The following KIF6 variants were observed in gnomAD, a reference collection of about 807,000 sequenced individuals.
KIF6 encodes the protein kinesin family member 6, also known as kinesin-like protein KIF6.
KIF6 carries 106 observed loss-of-function variants against 112.7 expected under a neutral mutation model. The observed-to-expected ratio is 0.94, with a 90% CI of 0.80 to 1.11. The LOEUF (loss-of-function observed/expected upper bound fraction) is 1.11. Ranked by LOEUF, KIF6 falls within the 50% of genes least tolerant of loss-of-function variation. The pLI, the probability that KIF6 is intolerant of heterozygous loss-of-function variation, is 0.00. For missense variants in KIF6, 929 were observed against 964.0 expected (o/e 0.96, Z 0.48); for synonymous variants, 339 against 339.9 (o/e 1.00, Z 0.03).
chr6:39,658,393 C>T (rs1785926343), intron 3 of KIF6, among the ~76,000 whole-genome samples: 1 of 151,980 alleles, frequency 6.6e-6, no homozygotes, highest in Non-Finnish European at 1.5e-5. Context: ...AAAATAAAAA[C>T]AAAAGTATAG....
chr6:39,504,666 T>C (rs1461500999), intron 13 of KIF6, among the ~76,000 whole-genome samples: 2 of 152,136 alleles, frequency 1.3e-5, no homozygotes, highest in East Asian at 3.8e-4. Flanking sequence ...GGATAGAAAA[T>C]CAATGTCCAA....
intron 3 of KIF6, among the ~76,000 whole-genome samples, chr6:39,707,077 C>G (rs1403221720): frequency 6.6e-6 from 1 of 152,172 alleles, no homozygotes; most frequent in Non-Finnish European, 1.5e-5. Context: ...TTTTCAAAAC[C>G]AGGAAATTGA....
intron 13 of KIF6, among the ~76,000 whole-genome samples, chr6:39,510,218 C>A (rs533713768): frequency 3.8e-4 from 57 of 151,826 alleles, no homozygotes; most frequent in African/African-American, 1.4e-3. Context: ...TTCAGCCTCC[C>A]GAGTACTGGG....
At chr6:39,516,714 T>C (rs1368240030) in intron 13 of KIF6, among the ~76,000 whole-genome samples, 1 of 152,204 alleles carries the variant, frequency 6.6e-6, no homozygotes, top group Admixed American at 6.5e-5. Flanking sequence ...TCATTCTTGC[T>C]AAGCTTTATG....
chr6:39,587,668 C>T (rs1307414850), intron 7 of KIF6, among the ~76,000 whole-genome samples: 1 of 152,104 alleles, frequency 6.6e-6, no homozygotes, highest in Non-Finnish European at 1.5e-5. Flanking sequence ...AGATTCGGAA[C>T]CCTGACCAGG....
intron 13 of KIF6, among the ~76,000 whole-genome samples, chr6:39,464,310 C>G (rs746971078): frequency 6.6e-6 from 1 of 152,094 alleles, no homozygotes; most frequent in Admixed American, 6.6e-5. Flanking sequence ...TCAGCCTAAA[C>G]GAAAACATAT....
intron 3 of KIF6, chr6:39,691,967 C>G (rs1408423430): frequency 6.6e-6 from 1 of 152,124 alleles, no homozygotes; most frequent in African/African-American, 2.4e-5. Context: ...AAAACAAAAA[C>G]AAACCAAAAG....
chr6:39,564,878 A>G (rs767406910), intron 10 of KIF6, among the ~76,000 whole-genome samples: 16 of 152,218 alleles, frequency 1.1e-4, no homozygotes, highest in Non-Finnish European at 2.1e-4. Context: ...TCACAGACCA[A>G]TGAATAACAC....
At chr6:39,536,268 A>C (rs561926608) in intron 13 of KIF6, among the ~76,000 whole-genome samples, 207 of 151,732 alleles carry the variant, frequency 1.4e-3, no homozygotes, top group African/African-American at 4.9e-3. Flanking sequence ...AAATTAATGA[A>C]TCCAGGAGCT....
At chr6:39,338,990 G>A (rs1225702043) in intron 22 of KIF6, among the ~76,000 whole-genome samples, 1 of 152,076 alleles carries the variant, frequency 6.6e-6, no homozygotes, top group Non-Finnish European at 1.5e-5. Flanking sequence ...ACAGAATAGG[G>A]GGGAGAGCAC....
intron 4 of KIF6, among the ~76,000 whole-genome samples, chr6:39,637,913 GA>G (rs1460498066): frequency 6.6e-6 from 1 of 152,040 alleles, no homozygotes; most frequent in African/African-American, 2.4e-5. Flanking sequence ...TAATGTCAAT[GA>G]CAAACAGATC....
At chr6:39,379,011 T>C (rs566381382) in intron 16 of KIF6, among the ~76,000 whole-genome samples, 2 of 152,348 alleles carry the variant, frequency 1.3e-5, no homozygotes, top group East Asian at 3.9e-4. Flanking sequence ...CATTTCGGTA[T>C]CTTTTGTAAA....
At position 39,596,078 on chromosome 6, in the gene KIF6, G is replaced by A; in HGVS notation, c.822C>T (p.Asn274=). 1.9e-6 allele frequency: 3 copies of A among 1,613,878 alleles called. No individual in the cohort carries two copies. The South Asian group carries it at 3.3e-5, about 18-fold the overall frequency. ...CCTGTTCTAAGTAATGTAGTGACAA[G>A]TTGATATACTTGGCCTCTGTTAGAA... is the stretch of plus-strand genomic sequence containing the variant. ...GHLLTEAKYI[N]LSLHYLEQVI... is the part of the protein sequence containing the mutation. Residue 274 remains asparagine, a synonymous_variant, in exon 7 of 23, where the codon AAC becomes AAT. Coordinates refer to ENST00000287152, the MANE Select transcript of KIF6 (RefSeq NM_145027.6).
rs1781067743 is a variant in KIF6 at position 39,578,048 on chromosome 6, A to T, written c.1181+8T>A. The T allele has an allele frequency of 6.3e-7, 1 of 1,593,304 alleles. No homozygotes were observed. Among genetic ancestry groups the T allele is most frequent in the Non-Finnish European group, 8.6e-7 (1 of 1,163,382 alleles). On this transcript the variant is annotated splice_region_variant and intron_variant, in intron 10 of 22. Transcript: ENST00000287152. ...TAAAGAAAAAGAAAAAAAAGTCTGC[A>T]GACTTACTGAAGGAGCTCTGCTTCT...
chr6:39,555,489 G>A (rs970837000), intron 10 of KIF6, among the ~76,000 whole-genome samples: 2 of 152,194 alleles, frequency 1.3e-5, no homozygotes, highest in African/African-American at 4.8e-5. Flanking sequence ...GGGGGTAGGA[G>A]TAGGGGTGGG....
chr6:39,636,885 C>T (rs553264844), intron 4 of KIF6, among the ~76,000 whole-genome samples: 2 of 152,026 alleles, frequency 1.3e-5, no homozygotes, highest in South Asian at 4.2e-4. Context: ...AATCCCACAC[C>T]CTTATCCTCA....
rs184048437 is a variant in KIF6, at chr6:39,516,699, T to A, written c.1645+23304A>T. ...TTACTTGTGAAATTTAAAACTTCTA[T>A]GGCATCATTCTTGCTAAGCTTTATG... On this transcript the variant is annotated intron_variant, in intron 13 of 22. Transcript: ENST00000287152. 1.5e-3 allele frequency among the ~76,000 whole-genome samples: 236 copies of A among 152,264 alleles called. 1 individual carries two copies. The highest frequency in any genetic ancestry group is 2.2e-3 in the Non-Finnish European group (151 of 68,014).
At chr6:39,581,367 C>T (rs1390548538) in intron 9 of KIF6, among the ~76,000 whole-genome samples, 1 of 151,722 alleles carries the variant, frequency 6.6e-6, no homozygotes, top group Non-Finnish European at 1.5e-5. Context: ...AAGGTGTCAC[C>T]ATGTTGGCCA....
At chr6:39,712,569 A>G (rs758016975) in intron 3 of KIF6, among the ~76,000 whole-genome samples, 1 of 152,152 alleles carries the variant, frequency 6.6e-6, no homozygotes, top group Non-Finnish European at 1.5e-5. Context: ...GAATTAAACT[A>G]TATAATATGT....
Sources: allele counts gnomAD v4.1 joint callset (sites outside exome capture counted in the v4.1 genomes callset), GRCh38; gene constraint gnomAD v4.1.1; transcripts MANE v1.5; gene names NCBI Gene and HGNC (gene_info 2026-07-23, HGNC 2026-07-21).